The following CELF2 variants were observed in gnomAD, a reference collection of about 807,000 sequenced individuals.
The protein encoded by CELF2 is CUGBP Elav-like family member 2.
CELF2 carries 8 observed loss-of-function variants against 62.6 expected under a neutral mutation model. The observed-to-expected ratio is 0.13, with a 90% confidence interval of 0.07 to 0.23. The LOEUF (loss-of-function observed/expected upper bound fraction) is 0.23. Ranked by LOEUF, CELF2 falls within the 10% of genes least tolerant of loss-of-function variation. The pLI is 1.00. For synonymous variants in CELF2, 258 were observed against 250.0 expected (o/e 1.03, Z -0.30); for missense variants, 333 against 671.0 (o/e 0.50, Z 5.56).
chr10:10,969,717 A>G (rs931181170), intron 2 of CELF2, among the ~76,000 whole-genome samples: 2 of 152,168 alleles, frequency 1.3e-5, no homozygotes, highest in African/African-American at 4.8e-5. Context: ...TGCATTCCCT[A>G]AAAGAATAGA....
upstream of CELF2, chr10:11,005,278 G>A: frequency 6.3e-7 from 1 of 1,589,854 alleles, no homozygotes; most frequent in Non-Finnish European, 8.6e-7. The surrounding 1 kb of genome is among the most constrained non-coding windows in gnomAD (Gnocchi z 4.3). Flanking sequence ...GAGAGAGAGA[G>A]AGAGAGAGAG....
chr10:11,143,066 C>A (rs2061646203), intron 1 of CELF2, among the ~76,000 whole-genome samples: 1 of 151,456 alleles, frequency 6.6e-6, no homozygotes, highest in Non-Finnish European at 1.5e-5. Flanking sequence ...ACTCACTCCC[C>A]TCGTGATTCT....
At position 11,046,191 on chromosome 10, in the gene CELF2, CT is replaced by C. The variant is rs2139771282; in HGVS notation, c.74+28030del. Among the ~76,000 whole-genome samples the C allele has an allele frequency of 6.6e-6, 1 of 152,320 alleles. No homozygotes were observed. The highest frequency in any genetic ancestry group is 2.4e-5 in the African/African-American group (1 of 41,580). On this transcript the variant is annotated intron_variant, in intron 1 of 12. Coordinates refer to ENST00000633077, the MANE Select transcript of CELF2 (RefSeq NM_001326342.2). The surrounding 1 kb of genome is among the most constrained non-coding windows in gnomAD (Gnocchi z 4.6). Reference sequence around the variant, plus strand: ...AGCGGTTCTCAAAATCACGGCACCGCTTGTCTAACAACACCGAACGCTGGGC... The same window carrying C: ...AGCGGTTCTCAAAATCACGGCACCGCTGTCTAACAACACCGAACGCTGGGC...
chr10:10,512,223 T>G, the CELF2 span, among the ~76,000 whole-genome samples: 1 of 152,130 alleles, frequency 6.6e-6, no homozygotes, highest in East Asian at 1.9e-4. Context: ...GAGTGGGAAC[T>G]CAGTCAATAT....
the CELF2 span, among the ~76,000 whole-genome samples, chr10:10,627,400 T>G: frequency 6.6e-6 from 1 of 152,110 alleles, no homozygotes; most frequent in Non-Finnish European, 1.5e-5. Flanking sequence ...CTTCCTGGAG[T>G]CCTTCTGTAC....
rs2060635402 is a variant in CELF2, at chr10:11,207,215, A to G, written c.272-10210A>G. Among the ~76,000 whole-genome samples the G allele has an allele frequency of 6.6e-6, 1 of 152,250 alleles. No homozygotes were observed. The highest frequency in any genetic ancestry group is 1.5e-5 in the Non-Finnish European group (1 of 68,048). On this transcript the variant is annotated intron_variant, in intron 2 of 12. Coordinates refer to ENST00000633077, the MANE Select transcript of CELF2 (RefSeq NM_001326342.2). This position sits in a 1 kb window ranked among gnomAD's most constrained non-coding sequence, Gnocchi z 4.1. ...ATTAGGCTGCACTTGCTTTCCCAAG[A>G]GGCTTGAAAATGCAGTCGATTTAAT... is the stretch of plus-strand genomic sequence containing the variant.
the CELF2 span, among the ~76,000 whole-genome samples, chr10:10,769,059 C>T: frequency 3.9e-5 from 6 of 152,274 alleles, no homozygotes; most frequent in East Asian, 3.9e-4. Context: ...ATTTGTTTTT[C>T]CTCTCTTCAT....
the CELF2 span, among the ~76,000 whole-genome samples, chr10:10,515,090 A>G: frequency 6.6e-6 from 1 of 152,236 alleles, no homozygotes; most frequent in African/African-American, 2.4e-5. Context: ...TCCAAATACA[A>G]GAACAAAGCT....
chr10:10,633,367 T>C, the CELF2 span, among the ~76,000 whole-genome samples: 3 of 152,228 alleles, frequency 2.0e-5, no homozygotes, highest in Non-Finnish European at 2.9e-5. Flanking sequence ...TTCTGATCTC[T>C]GCTAGTCTCT....
At chr10:10,560,321 T>C in the CELF2 span, among the ~76,000 whole-genome samples, 2 of 152,348 alleles carry the variant, frequency 1.3e-5, no homozygotes, top group East Asian at 1.9e-4. Flanking sequence ...AAATGTAGAA[T>C]GTAAGTTTTC....
chr10:11,294,745 G>A (rs954101018), intron 9 of CELF2, among the ~76,000 whole-genome samples: 9 of 152,098 alleles, frequency 5.9e-5, no homozygotes, highest in African/African-American at 1.9e-4. Flanking sequence ...ACCCAGTCTC[G>A]ACTAAAACTA....
intron 7 of CELF2, among the ~76,000 whole-genome samples, chr10:11,274,736 G>T (rs562150604): frequency 5.3e-5 from 8 of 152,144 alleles, no homozygotes; most frequent in African/African-American, 1.9e-4. Flanking sequence ...GATGAGTTAC[G>T]GTAACTGCTA....
At chr10:11,167,418 G>A (rs1218660047) in intron 2 of CELF2, among the ~76,000 whole-genome samples, 1 of 152,138 alleles carries the variant, frequency 6.6e-6, no homozygotes, top group African/African-American at 2.4e-5. Flanking sequence ...TCCAAATTTT[G>A]GTTTATCAGC....
chr10:11,019,876 C>T (rs959571210), intron 1 of CELF2, among the ~76,000 whole-genome samples: 2 of 152,110 alleles, frequency 1.3e-5, no homozygotes, highest in Non-Finnish European at 2.9e-5. Context: ...TGCGTTTTCT[C>T]CTCTAGAGGC....
At chr10:10,489,349 G>A in the CELF2 span, among the ~76,000 whole-genome samples, 1 of 152,008 alleles carries the variant, frequency 6.6e-6, no homozygotes, top group Non-Finnish European at 1.5e-5. Flanking sequence ...GAACAGTGCT[G>A]GTACATTTGT....
At chr10:10,658,464 T>G in the CELF2 span, among the ~76,000 whole-genome samples, 1 of 152,212 alleles carries the variant, frequency 6.6e-6, no homozygotes, top group Non-Finnish European at 1.5e-5. Flanking sequence ...TTGTCTACAT[T>G]AAGATAAGTC....
chr10:10,718,108 A>T, the CELF2 span, among the ~76,000 whole-genome samples: 1 of 152,186 alleles, frequency 6.6e-6, no homozygotes, highest in Non-Finnish European at 1.5e-5. Context: ...TCTTAAAAGG[A>T]TGAAGCTACC....
the CELF2 span, among the ~76,000 whole-genome samples, chr10:10,727,223 T>C: frequency 6.6e-6 from 1 of 152,200 alleles, no homozygotes; most frequent in Non-Finnish European, 1.5e-5. Flanking sequence ...TTTCCCACCA[T>C]AAGTCAAATT....
intron 1 of CELF2, among the ~76,000 whole-genome samples, chr10:11,153,444 G>A (rs2063712831): frequency 6.6e-6 from 1 of 151,832 alleles, no homozygotes; most frequent in Non-Finnish European, 1.5e-5. Context: ...GGATAATAAA[G>A]GCATCCACCG....
Sources: allele counts gnomAD v4.1 joint callset (sites outside exome capture counted in the v4.1 genomes callset), GRCh38; gene constraint gnomAD v4.1.1; non-coding constraint Gnocchi (gnomAD v3.1); transcripts MANE v1.5; gene names NCBI Gene and HGNC (gene_info 2026-07-23, HGNC 2026-07-21).